GRM8: variants seen among roughly 807,000 people sequenced by gnomAD.
GRM8 encodes the protein glutamate metabotropic receptor 8, also known as metabotropic glutamate receptor 8.
GRM8 carries 47 observed loss-of-function variants against 87.2 expected under a neutral mutation model. The ratio of observed to expected loss-of-function variants is 0.54; its 90% CI spans 0.43 to 0.69. GRM8 has a LOEUF of 0.69. GRM8 is among the 30% of genes least tolerant of loss of function. GRM8 has a pLI of 0.00. For synonymous variants in GRM8, 396 were observed against 404.5 expected (o/e 0.98, Z 0.25); for missense variants, 1,019 against 1,139.2 (o/e 0.89, Z 1.52).
intron 3 of GRM8, among the ~76,000 whole-genome samples, chr7:127,039,266 C>A (rs569974481): frequency 6.6e-6 from 1 of 151,988 alleles, no homozygotes; most frequent in Non-Finnish European, 1.5e-5. Flanking sequence ...GTCATTATGA[C>A]GGGCCCAGTC....
intron 2 of GRM8, among the ~76,000 whole-genome samples, chr7:127,157,405 T>G (rs532188210): frequency 1.3e-5 from 2 of 152,268 alleles, no homozygotes; most frequent in East Asian, 3.9e-4. Context: ...GTGAATTCTA[T>G]GGACTCATTC....
chr7:126,792,763 T>G (rs1362666366), intron 6 of GRM8, among the ~76,000 whole-genome samples: 2 of 152,224 alleles, frequency 1.3e-5, no homozygotes, highest in Non-Finnish European at 1.5e-5. Context: ...TTGTCGAAGC[T>G]GTTTCTGTGA....
At chr7:126,917,301 A>T (rs559717256) in intron 3 of GRM8, among the ~76,000 whole-genome samples, 1 of 152,166 alleles carries the variant, frequency 6.6e-6, no homozygotes, top group South Asian at 2.1e-4. Flanking sequence ...CTCTTGTCAA[A>T]ATACATTTTG....
At chr7:126,646,405 G>A (rs890691112) in intron 7 of GRM8, among the ~76,000 whole-genome samples, 1 of 151,992 alleles carries the variant, frequency 6.6e-6, no homozygotes, top group African/African-American at 2.4e-5. Context: ...TCAGCCAAAG[G>A]TCTCAAAAAA....
At chr7:126,644,245 T>C (rs968536842) in intron 7 of GRM8, among the ~76,000 whole-genome samples, 7 of 152,204 alleles carry the variant, frequency 4.6e-5, no homozygotes, top group Non-Finnish European at 8.8e-5. Context: ...GTTTGAATCA[T>C]AAATGCCTCA....
intron 7 of GRM8, among the ~76,000 whole-genome samples, chr7:126,663,277 C>A (rs1481792968): frequency 1.3e-5 from 2 of 152,188 alleles, no homozygotes; most frequent in Non-Finnish European, 2.9e-5. Flanking sequence ...AGGGACTCCC[C>A]TCTAACTCAT....
chr7:126,676,265 T>C (rs1806948768), intron 7 of GRM8, among the ~76,000 whole-genome samples: 1 of 152,164 alleles, frequency 6.6e-6, no homozygotes. Context: ...TGCTTATGAA[T>C]GAGAAGAATT....
chr7:127,016,495 C>T (rs1423135894), intron 3 of GRM8, among the ~76,000 whole-genome samples: 4 of 152,018 alleles, frequency 2.6e-5, no homozygotes, highest in Admixed American at 6.6e-5. Context: ...ATGATATAAT[C>T]GTGTTACTGC....
At chr7:127,055,439 A>T (rs1178675627) in intron 3 of GRM8, among the ~76,000 whole-genome samples, 2 of 152,170 alleles carry the variant, frequency 1.3e-5, no homozygotes. Flanking sequence ...TAGAGGGACA[A>T]AAGGCTGAAC....
At chr7:126,683,048 C>CA (rs1012358589) in intron 7 of GRM8, among the ~76,000 whole-genome samples, 13 of 150,920 alleles carry the variant, frequency 8.6e-5, no homozygotes, top group East Asian at 3.9e-4. Context: ...GAATCTGTCT[C>CA]AAAAAAAACA....
intron 2 of GRM8, among the ~76,000 whole-genome samples, chr7:127,239,428 T>C (rs887008282): frequency 3.3e-5 from 5 of 152,220 alleles, no homozygotes; most frequent in African/African-American, 1.2e-4. Flanking sequence ...TATCTGGGAA[T>C]AACTAGCAAT....
At chr7:126,930,445 A>T (rs1484691035) in intron 3 of GRM8, among the ~76,000 whole-genome samples, 1 of 152,224 alleles carries the variant, frequency 6.6e-6, no homozygotes, top group Non-Finnish European at 1.5e-5. Flanking sequence ...TTGGGAGGAC[A>T]CACTGCTCTG....
At chr7:126,468,635 C>A (rs1313816570) in intron 9 of GRM8, among the ~76,000 whole-genome samples, 1 of 152,028 alleles carries the variant, frequency 6.6e-6, no homozygotes, top group Non-Finnish European at 1.5e-5. Context: ...TTGAAAAATT[C>A]TTCACTTCTT....
At chr7:126,638,794 G>A (rs1469259546) in intron 7 of GRM8, among the ~76,000 whole-genome samples, 1 of 152,158 alleles carries the variant, frequency 6.6e-6, no homozygotes, top group Admixed American at 6.5e-5. Context: ...TAGACACCCT[G>A]GAGCCACTCA....
chr7:127,177,903 C>G (rs1794208647), intron 2 of GRM8, among the ~76,000 whole-genome samples: 1 of 152,122 alleles, frequency 6.6e-6, no homozygotes, highest in Non-Finnish European at 1.5e-5. Flanking sequence ...TGAGAAGGAA[C>G]CAGAAAACCA....
chr7:126,942,199 C>T (rs774771348), intron 3 of GRM8, among the ~76,000 whole-genome samples: 6 of 152,204 alleles, frequency 3.9e-5, no homozygotes, highest in Non-Finnish European at 7.4e-5. Flanking sequence ...GGAAGGCCAT[C>T]GTTACTATAT....
At chr7:127,075,794 G>T (rs1431645970) in intron 3 of GRM8, among the ~76,000 whole-genome samples, 2 of 152,138 alleles carry the variant, frequency 1.3e-5, no homozygotes, top group Non-Finnish European at 2.9e-5. Flanking sequence ...TTGGGCTAAT[G>T]TTCACTGGGA....
intron 3 of GRM8, among the ~76,000 whole-genome samples, chr7:127,100,915 C>T (rs1825181782): frequency 6.6e-6 from 1 of 152,180 alleles, no homozygotes; most frequent in African/African-American, 2.4e-5. Context: ...ACCACCTTTC[C>T]ATACTCAACC....
chr7:126,470,106 A>G (rs926532225), intron 9 of GRM8, among the ~76,000 whole-genome samples: 1 of 152,126 alleles, frequency 6.6e-6, no homozygotes, highest in African/African-American at 2.4e-5. Flanking sequence ...GACTGGTGGC[A>G]TTTTGCCCCT....
Sources: gnomAD v4.1 joint callset for allele counts (sites outside exome capture counted in the v4.1 genomes callset) on GRCh38, gnomAD v4.1.1 for gene constraint, MANE v1.5 for transcripts, NCBI Gene and HGNC (gene_info 2026-07-23, HGNC 2026-07-21) for gene names.